Variants in C9 observed in about 807,000 individuals in gnomAD.
C9 encodes complement C9.
A neutral mutation model predicts 65.4 loss-of-function variants in C9; 63 were observed. The ratio of observed to expected loss-of-function variants is 0.96; its 90% confidence interval spans 0.79 to 1.19. C9 has a LOEUF of 1.19. Ranked by LOEUF, C9 falls within the 50% of genes most tolerant of loss-of-function variation. The probability of loss-of-function intolerance (pLI) is 0.00; values close to 1 mark genes in which losing one functional copy is unlikely to be tolerated. For synonymous variants in C9, 229 were observed against 227.9 expected, an observed-to-expected ratio of 1.00 and a Z score of -0.04; for missense variants, 744 against 670.1, an observed-to-expected ratio of 1.11 and a Z score of -1.22.
chr5:39,311,220 C>A lies in C9; in HGVS notation c.1028G>T (p.Gly343Val), dbSNP rs769359426. Residue 343 changes from glycine (G) to valine (V), a missense_variant, in exon 7 of 11, where the codon GGA becomes GTA. Gly to Val is a moderately radical substitution (Grantham distance 109). Transcript: ENST00000263408. ...GEYFAFLETY[G>V]THYSSSGSLG... ...AGACCCAGAGCTACTGTAGTGAGTT[C>A]CATAGGTTTCCAAAAAGGCAAAATA... 6.2e-7 allele frequency: 1 copy of A among 1,613,298 alleles called. No homozygotes were observed.
At chr5:39,342,338 C>T (rs1754102632) in intron 1 of C9, 142 bp from the exon 2 acceptor site, 1 of 608,046 alleles carries the variant, frequency 1.6e-6, no homozygotes. Flanking sequence ...TCATTTCACC[C>T]TCAATTGCAT....
intron 1 of C9, among the ~76,000 whole-genome samples, chr5:39,356,906 G>A (rs1754422034): frequency 1.3e-5 from 2 of 152,190 alleles, no homozygotes; most frequent in Admixed American, 1.3e-4. Flanking sequence ...GCTGAGTGGA[G>A]AAGTATTTGT....
chr5:39,317,560 T>C (rs1467405919), intron 5 of C9, among the ~76,000 whole-genome samples: 5 of 152,212 alleles, frequency 3.3e-5, no homozygotes, highest in Non-Finnish European at 1.5e-5. Context: ...TGTCTGCATA[T>C]GGCTAGCCAG....
At chr5:39,312,431 ATGAATAATACT>A (rs1236783451) in intron 6 of C9, among the ~76,000 whole-genome samples, 1 of 152,222 alleles carries the variant, frequency 6.6e-6, no homozygotes, top group African/African-American at 2.4e-5. Flanking sequence ...CCCAAAACAT[ATGAATAATACT>A]TGACAGCATT....
At chr5:39,325,444 C>T (rs1025858431) in intron 5 of C9, among the ~76,000 whole-genome samples, 2 of 152,190 alleles carry the variant, frequency 1.3e-5, no homozygotes, top group Admixed American at 6.5e-5. Flanking sequence ...TCTTCTCCCT[C>T]ATTGTACACT....
intron 4 of C9, among the ~76,000 whole-genome samples, chr5:39,337,480 C>G (rs1367926379): frequency 1.3e-5 from 2 of 152,246 alleles, no homozygotes; most frequent in Admixed American, 6.5e-5. Context: ...AACATGAACA[C>G]TTCTCATGGA....
At position 39,288,022 on chromosome 5, in the gene C9, A is replaced by G. The variant is rs189801413; in HGVS notation, c.1645+701T>C. Among the ~76,000 whole-genome samples, 101 of 152,168 alleles carry G rather than the reference A, an allele frequency of 6.6e-4. 1 individual carries two copies. The highest frequency in any genetic ancestry group is 2.2e-3 in the African/African-American group (93 of 41,566). On this transcript the variant is annotated intron_variant, in intron 10 of 10. Transcript: ENST00000263408. ...AATAATGTTTCCTTATGATTAACTT[A>G]AAAATACAATACAGAATCTCAGCTT... is the stretch of plus-strand genomic sequence containing the variant.
At chr5:39,334,875 A>G (rs1342266903) in intron 4 of C9, among the ~76,000 whole-genome samples, 2 of 152,222 alleles carry the variant, frequency 1.3e-5, no homozygotes, top group Non-Finnish European at 2.9e-5. Context: ...TGGAATAGAA[A>G]AAGGGGAAAG....
Position 39,308,297 on chromosome 5 carries a change from GA to G in C9, c.1172del (p.Phe391SerfsTer16). 1 of 1,608,680 alleles carries G rather than the reference GA, an allele frequency of 6.2e-7. No homozygotes were observed. Among genetic ancestry groups the G allele is most frequent in the Non-Finnish European group, 8.5e-7 (1 of 1,175,158 alleles). Reference sequence around the variant, plus strand: ...ATTCAGCTCCAACAGAGATTTCAGAGAAAGCCAGAGATACATCCAGATGATA... The same window carrying G: ...ATTCAGCTCCAACAGAGATTTCAGAGAAGCCAGAGATACATCCAGATGATA... ...LGYHLDVSLAFSEISVGAEFN... is the reference protein window; with the variant it reads ...LGYHLDVSLAXSEISVGAEFN... On this transcript the variant is annotated frameshift_variant, in exon 8 of 11. Coordinates refer to ENST00000263408, the MANE Select transcript of C9 (RefSeq NM_001737.5). LOFTEE classifies it high-confidence loss of function.
intron 1 of C9, among the ~76,000 whole-genome samples, chr5:39,345,497 A>C (rs1007011522): frequency 3.9e-5 from 6 of 152,226 alleles, no homozygotes; most frequent in African/African-American, 1.4e-4. Flanking sequence ...TATGCACCCA[A>C]TACAGGAGCA....
At chr5:39,331,431 G>T (rs561129343) in intron 5 of C9, among the ~76,000 whole-genome samples, 2 of 152,148 alleles carry the variant, frequency 1.3e-5, no homozygotes, top group Non-Finnish European at 2.9e-5. Flanking sequence ...TAGATCCTGA[G>T]ATAATTCTTT....
intron 1 of C9, among the ~76,000 whole-genome samples, chr5:39,347,262 T>C (rs1040224353): frequency 2.0e-5 from 3 of 152,148 alleles, no homozygotes; most frequent in Non-Finnish European, 2.9e-5. Context: ...CGACTGTATA[T>C]TGAGAAAACT....
chr5:39,318,182 T>C (rs752567162), intron 5 of C9, among the ~76,000 whole-genome samples: 4 of 152,114 alleles, frequency 2.6e-5, no homozygotes, highest in African/African-American at 9.7e-5. Context: ...ATGGTAGCAA[T>C]TTTTGCCCAT....
chr5:39,306,763 C>A lies in C9; in HGVS notation c.1270G>T (p.Asp424Tyr). ...CCACCTCTTATGAGTGAAACAACAT[C>A]ATCTATGAGGTTTTCACTGGTGATG... ...VNITSENLID[D>Y]VVSLIRGGTR... The change falls in exon 9 of 11, where the codon GAT (aspartate) becomes TAT (tyrosine). Residue 424 changes from aspartate (D) to tyrosine (Y), a missense_variant. Coordinates refer to ENST00000263408, the MANE Select transcript of C9 (RefSeq NM_001737.5). 1 of 1,612,540 alleles carries A rather than the reference C, an allele frequency of 6.2e-7. No individual in the cohort carries two copies.
intron 5 of C9, among the ~76,000 whole-genome samples, chr5:39,321,101 G>A (rs1219535077): frequency 6.6e-6 from 1 of 151,914 alleles, no homozygotes; most frequent in Non-Finnish European, 1.5e-5. Context: ...AAAATTCACT[G>A]GTAAAATTAA....
rs1753085834 is a variant in C9, at chr5:39,291,124, T to C, written c.1417-2173A>G. ...GGAAATTATGGAAAATAGAAACAGCTATGGTGGCTGCCAATGTTTGTGCTA... is the reference window on the plus strand; with the variant it reads ...GGAAATTATGGAAAATAGAAACAGCCATGGTGGCTGCCAATGTTTGTGCTA... On this transcript the variant is annotated intron_variant, in intron 9 of 10. Coordinates refer to ENST00000263408, the MANE Select transcript of C9 (RefSeq NM_001737.5). 1.3e-5 allele frequency among the ~76,000 whole-genome samples: 2 copies of C among 151,802 alleles called. 1 individual carries two copies. The highest frequency in any genetic ancestry group is 1.3e-4 in the Admixed American group (2 of 15,188).
Position 39,348,101 on chromosome 5 carries a change from T to C in C9, c.78-5905A>G, listed in dbSNP as rs543690421. On this transcript the variant is annotated intron_variant, in intron 1 of 10. Coordinates refer to ENST00000263408, the MANE Select transcript of C9 (RefSeq NM_001737.5). ...AACCCAGGCAATACCATTCAGGACA[T>C]AGGCATGGGCAAGGACTTCATGTCT... Among the ~76,000 whole-genome samples the C allele has an allele frequency of 5.3e-3, 808 of 152,206 alleles. 2 individuals are homozygous for C. Among genetic ancestry groups the C allele is most frequent in the Non-Finnish European group, 8.5e-3 (581 of 68,018 alleles).
intron 9 of C9, among the ~76,000 whole-genome samples, chr5:39,295,182 A>G (rs1470808653): frequency 6.6e-6 from 1 of 151,906 alleles, no homozygotes; most frequent in Non-Finnish European, 1.5e-5. Context: ...CTCTTATTTA[A>G]CATAGTACTG....
chr5:39,308,282 A>G lies in C9; in HGVS notation c.1188T>C (p.Val396=), dbSNP rs777726741. ...DVSLAFSEIS[V]GAEFNKDDCV... is the part of the protein sequence containing the mutation. ...AATCATCTTTATTAAATTCAGCTCC[A>G]ACAGAGATTTCAGAGAAAGCCAGAG... is the stretch of plus-strand genomic sequence containing the variant. Residue 396 remains valine (V), a synonymous_variant, in exon 8 of 11, where the codon GTT becomes GTC. Coordinates refer to ENST00000263408, the MANE Select transcript of C9 (RefSeq NM_001737.5). The G allele has an allele frequency of 1.2e-6, 2 of 1,612,528 alleles. No individual in the cohort carries two copies. Among genetic ancestry groups the G allele is most frequent in the Admixed American group, 1.7e-5 (1 of 59,998 alleles).
Sources: gnomAD v4.1 joint callset for allele counts (sites outside exome capture counted in the v4.1 genomes callset) on GRCh38, gnomAD v4.1.1 for gene constraint, MANE v1.5 for transcripts, NCBI Gene and HGNC (gene_info 2026-07-23, HGNC 2026-07-21) for gene names.